OTUD7A: variants seen among roughly 807,000 people sequenced by gnomAD.
OTUD7A encodes OTU domain-containing protein 7A.
In OTUD7A, 12 loss-of-function variants were observed where a neutral mutation model predicts 65.7. The observed-to-expected ratio is 0.18, with a 90% CI of 0.12 to 0.30. OTUD7A has a LOEUF of 0.30. Ranked by LOEUF, OTUD7A falls within the 10% of genes least tolerant of loss-of-function variation. OTUD7A has a pLI of 1.00. For missense variants in OTUD7A, 1,148 were observed against 1,304.8 expected (o/e 0.88, Z 1.85); for synonymous variants, 641 against 586.3 (o/e 1.09, Z -1.35).
chr15:31,722,013 G>C (rs1180809204), intron 1 of OTUD7A, among the ~76,000 whole-genome samples: 1 of 152,246 alleles, frequency 6.6e-6, no homozygotes, highest in African/African-American at 2.4e-5. Flanking sequence ...AAGAGGCGGG[G>C]TCTGCTTGTG....
chr15:31,647,767 A>C (rs935436111), intron 3 of OTUD7A, among the ~76,000 whole-genome samples: 3 of 152,188 alleles, frequency 2.0e-5, no homozygotes, highest in African/African-American at 7.2e-5. Context: ...TGAGGGACTC[A>C]TACGTGCTGG....
chr15:31,773,741 G>A (rs1895298410), intron 1 of OTUD7A, among the ~76,000 whole-genome samples: 1 of 152,214 alleles, frequency 6.6e-6, no homozygotes, highest in Non-Finnish European at 1.5e-5. Flanking sequence ...GGATGCTGGA[G>A]TTTTTGATGG....
At chr15:31,659,033 G>GAATA (rs527350698) in intron 1 of OTUD7A, among the ~76,000 whole-genome samples, 16 of 113,844 alleles carry the variant, frequency 1.4e-4, no homozygotes, top group East Asian at 6.9e-4. Context: ...ATGAATGAAT[G>GAATA]AATGAATGAA....
chr15:31,506,215 C>CTT (rs199623314), intron 8 of OTUD7A, among the ~76,000 whole-genome samples: 2 of 144,454 alleles, frequency 1.4e-5, no homozygotes, highest in South Asian at 2.2e-4. Context: ...TTAATTATGA[C>CTT]TTTTTTTTTT....
At chr15:31,690,694 C>T (rs1464446111) in intron 1 of OTUD7A, among the ~76,000 whole-genome samples, 1 of 152,156 alleles carries the variant, frequency 6.6e-6, no homozygotes, top group East Asian at 1.9e-4. Flanking sequence ...AACAATCTTT[C>T]CAATAAATGG....
chr15:31,843,846 C>G lies in OTUD7A; in HGVS notation c.-100+26661G>C, dbSNP rs1312085931. Among the ~76,000 whole-genome samples, 8 of 152,250 alleles carry G rather than the reference C, an allele frequency of 5.3e-5. No individual in the cohort carries two copies. The South Asian group carries it at 8.3e-4, about 16-fold the overall frequency. On this transcript the variant is annotated intron_variant, in intron 1 of 12. Coordinates refer to ENST00000307050, the MANE Select transcript of OTUD7A (RefSeq NM_001382637.1). ...CACCAAAGCACTCTTTGATGGTCCC[C>G]GATACACTGGAGTCATGTTTACTCC...
chr15:31,758,638 T>C (rs1286553247), intron 1 of OTUD7A, among the ~76,000 whole-genome samples: 4 of 152,310 alleles, frequency 2.6e-5, no homozygotes, highest in African/African-American at 9.6e-5. Context: ...TCTAAAAATA[T>C]ATAGCAATCA....
intron 1 of OTUD7A, among the ~76,000 whole-genome samples, chr15:31,781,035 T>C (rs1289588988): frequency 6.6e-6 from 1 of 152,182 alleles, no homozygotes; most frequent in Non-Finnish European, 1.5e-5. Context: ...TGTGGCAAGC[T>C]GTGTTTTCTA....
chr15:31,643,069 T>C (rs1030868903), intron 3 of OTUD7A, among the ~76,000 whole-genome samples: 2 of 152,160 alleles, frequency 1.3e-5, no homozygotes, highest in African/African-American at 2.4e-5. Flanking sequence ...CTATTGTTCA[T>C]GCCTCTCCTT....
intron 1 of OTUD7A, among the ~76,000 whole-genome samples, chr15:31,703,849 T>G (rs2141330501): frequency 1.3e-5 from 2 of 151,052 alleles, no homozygotes; most frequent in Admixed American, 6.7e-5. Flanking sequence ...AAACAAACTG[T>G]GGAATGCCCA....
intron 1 of OTUD7A, among the ~76,000 whole-genome samples, chr15:31,665,525 T>C (rs1892295468): frequency 6.6e-6 from 1 of 152,246 alleles, no homozygotes; most frequent in Non-Finnish European, 1.5e-5. Context: ...TCCAGAAACT[T>C]TGCTGAATTC....
Position 31,558,991 on chromosome 15 carries a change from T to G in OTUD7A, c.528A>C (p.Thr176=). The G allele has an allele frequency of 6.2e-7, 1 of 1,614,210 alleles. No individual in the cohort carries two copies. The highest frequency in any genetic ancestry group is 8.5e-7 in the Non-Finnish European group (1 of 1,180,028). Residue 176 remains threonine, a synonymous_variant, in exon 5 of 13, where the codon ACA becomes ACC. Transcript: ENST00000307050. ...CACCTGCCTGCTCCAAAGCCACCAT[T>G]GTTGCCTGCTCGATCAAGTCCCGCT... ...FIERDLIEQA[T]MVALEQAGRL...
chr15:31,768,613 C>T (rs1029411138), intron 1 of OTUD7A, among the ~76,000 whole-genome samples: 7 of 151,386 alleles, frequency 4.6e-5, no homozygotes, highest in Non-Finnish European at 8.8e-5. Flanking sequence ...GAACCGAGAT[C>T]GTGCCACTGC....
At chr15:31,732,063 T>C (rs549455009) in intron 1 of OTUD7A, among the ~76,000 whole-genome samples, 3 of 152,178 alleles carry the variant, frequency 2.0e-5, no homozygotes, top group African/African-American at 7.2e-5. Flanking sequence ...CTCTCCTCTG[T>C]CTTCCCTGGA....
intron 8 of OTUD7A, among the ~76,000 whole-genome samples, chr15:31,519,682 T>C (rs916378278): frequency 6.6e-6 from 1 of 152,136 alleles, no homozygotes; most frequent in Non-Finnish European, 1.5e-5. Context: ...ACAAAAGGCA[T>C]CCAAATTGGA....
intron 1 of OTUD7A, among the ~76,000 whole-genome samples, chr15:31,793,995 T>C (rs1486163836): frequency 6.6e-6 from 1 of 152,244 alleles, no homozygotes; most frequent in Non-Finnish European, 1.5e-5. Flanking sequence ...TGCCTTATAA[T>C]TTGTGCTTTG....
chr15:31,725,202 A>G (rs1893850517), intron 1 of OTUD7A, among the ~76,000 whole-genome samples: 1 of 152,204 alleles, frequency 6.6e-6, no homozygotes, highest in South Asian at 2.1e-4. Flanking sequence ...CCAGGAGAGT[A>G]GGAGATGAAG....
At chr15:31,776,079 A>G (rs1895370915) in intron 1 of OTUD7A, among the ~76,000 whole-genome samples, 1 of 152,208 alleles carries the variant, frequency 6.6e-6, no homozygotes, top group African/African-American at 2.4e-5. Context: ...ACCTGTCCAC[A>G]CACTGCAGAG....
chr15:31,813,218 T>C (rs1173755235), intron 1 of OTUD7A, among the ~76,000 whole-genome samples: 1 of 152,236 alleles, frequency 6.6e-6, no homozygotes, highest in Admixed American at 6.5e-5. Flanking sequence ...GCCCTCCCCA[T>C]GCCAATGCCG....
Sources: allele counts gnomAD v4.1 joint callset (sites outside exome capture counted in the v4.1 genomes callset), GRCh38; gene constraint gnomAD v4.1.1; transcripts MANE v1.5; gene names NCBI Gene and HGNC (gene_info 2026-07-23, HGNC 2026-07-21).